The following GON4L variants were observed in gnomAD, a reference collection of about 807,000 sequenced individuals.
GON4L encodes gon-4 like.
In GON4L, 87 loss-of-function variants were observed where a neutral mutation model predicts 211.8. The ratio of observed to expected loss-of-function variants is 0.41; its 90% CI spans 0.35 to 0.49. GON4L has a LOEUF of 0.49. GON4L is among the 20% of genes least tolerant of loss of function. GON4L has a pLI of 0.15. For synonymous variants in GON4L, 875 were observed against 962.6 expected (o/e 0.91, Z 1.68); for missense variants, 2,155 against 2,659.5 (o/e 0.81, Z 4.17).
At chr1:155,843,161 A>C (rs1374956725) in intron 2 of GON4L, among the ~76,000 whole-genome samples, 1 of 152,182 alleles carries the variant, frequency 6.6e-6, no homozygotes, top group African/African-American at 2.4e-5. Context: ...ACCACCCTAA[A>C]GCCCAGTGTG....
intron 12 of GON4L, among the ~76,000 whole-genome samples, chr1:155,787,395 C>T (rs976675577): frequency 3.3e-5 from 5 of 152,126 alleles, no homozygotes; most frequent in Non-Finnish European, 5.9e-5. Flanking sequence ...GCAAACATAT[C>T]ACTGAACTAG....
At chr1:155,819,688 T>C (rs901191190) in intron 6 of GON4L, among the ~76,000 whole-genome samples, 2 of 152,236 alleles carry the variant, frequency 1.3e-5, no homozygotes, top group African/African-American at 2.4e-5. Flanking sequence ...GACTATTACC[T>C]GCCTTGTAAG....
At position 155,752,385 on chromosome 1, in the gene GON4L, C is replaced by T. The variant is rs1277145773; in HGVS notation, c.6048G>A (p.Glu2016=). 18 of 1,592,358 alleles carry T rather than the reference C, an allele frequency of 1.1e-5. No individual in the cohort carries two copies. Among genetic ancestry groups the T allele is most frequent in the Non-Finnish European group, 1.4e-5 (16 of 1,167,922 alleles). The part of the protein sequence containing the change: ...CPKASPRLQK[E]REGQKAVSES... ...CACTCACTGCCTTTTGGCCCTCCCT[C>T]TCTTTCTGAAGTCTGGGGGATGCCT... Residue 2016 remains glutamate, a synonymous_variant, in exon 30 of 32, where the codon GAG becomes GAA. Transcript: ENST00000368331.
chr1:155,773,413 A>ATAG (rs1465721441), intron 17 of GON4L: 1 of 593,284 alleles, frequency 1.7e-6, no homozygotes, highest in African/African-American at 1.9e-5. Flanking sequence ...AATGGCAATA[A>ATAG]AAGTTGACTC....
chr1:155,776,430 G>T lies in GON4L; in HGVS notation c.2143C>A (p.Leu715Ile). The T allele has an allele frequency of 6.2e-7, 1 of 1,613,294 alleles. No individual in the cohort carries two copies. The highest frequency in any genetic ancestry group is 8.5e-7 in the Non-Finnish European group (1 of 1,179,214). Residue 715 changes from leucine (L) to isoleucine (I), a missense_variant, in exon 16 of 32, where the codon CTC becomes ATC. Leu to Ile is a conservative substitution (Grantham distance 5). Coordinates refer to ENST00000368331, the MANE Select transcript of GON4L (RefSeq NM_001282860.2). Reference protein sequence around the residue: ...IHLLATCNPNLNPEATTTRIF... With the variant: ...IHLLATCNPNINPEATTTRIF... Reference sequence around the variant, plus strand: ...CTGGTGGTAGTGGCCTCCGGATTGAGGTTGGGGTTGCAGGTGGCAAGAAGG... The same window carrying T: ...CTGGTGGTAGTGGCCTCCGGATTGATGTTGGGGTTGCAGGTGGCAAGAAGG...
intron 14 of GON4L, among the ~76,000 whole-genome samples, chr1:155,778,978 G>T (rs1332879037): frequency 1.3e-5 from 2 of 151,982 alleles, no homozygotes; most frequent in Non-Finnish European, 2.9e-5. Context: ...ATGATAACCT[G>T]CTTGTTGGCC....
At chr1:155,756,098 A>T (rs1369577595) in intron 27 of GON4L, among the ~76,000 whole-genome samples, 2 of 152,152 alleles carry the variant, frequency 1.3e-5, no homozygotes, top group Non-Finnish European at 2.9e-5. Flanking sequence ...CCCTGACAAC[A>T]GCCTCTCTGC....
intron 24 of GON4L, among the ~76,000 whole-genome samples, chr1:155,759,223 A>G (rs570322895): frequency 6.6e-6 from 1 of 152,192 alleles, no homozygotes; most frequent in South Asian, 2.1e-4. Flanking sequence ...CTGGCCTCCC[A>G]AAGTGCTGGG....
intron 13 of GON4L, 187 bp downstream of exon 13, chr1:155,785,147 T>C (rs757114300): frequency 3.0e-5 from 21 of 691,848 alleles, no homozygotes; most frequent in Non-Finnish European, 5.1e-5. Context: ...AACATACATG[T>C]ATATAATCAA....
intron 12 of GON4L, among the ~76,000 whole-genome samples, chr1:155,791,731 GGTGGCGGGCA>G: frequency 1.3e-5 from 2 of 151,900 alleles, no homozygotes; most frequent in Admixed American, 6.6e-5. Context: ...AGCTGGGCGT[GGTGGCGGGCA>G]CCTGTAATCC....
intron 14 of GON4L, among the ~76,000 whole-genome samples, chr1:155,783,499 G>A (rs922593521): frequency 1.3e-5 from 2 of 152,198 alleles, no homozygotes; most frequent in African/African-American, 4.8e-5. Context: ...TCTGGATGCT[G>A]TAACACAAGT....
At chr1:155,810,382 A>C (rs1667639452) in intron 10 of GON4L, among the ~76,000 whole-genome samples, 1 of 152,104 alleles carries the variant, frequency 6.6e-6, no homozygotes, top group African/African-American at 2.4e-5. Flanking sequence ...ATTGACCTGC[A>C]AGAATGATAG....
chr1:155,788,713 A>G (rs1665202329), intron 12 of GON4L, among the ~76,000 whole-genome samples: 1 of 152,216 alleles, frequency 6.6e-6, no homozygotes. Flanking sequence ...TATTATGCTG[A>G]GTGAAAGAAG....
At chr1:155,788,885 T>C (rs1339431315) in intron 12 of GON4L, among the ~76,000 whole-genome samples, 2 of 151,952 alleles carry the variant, frequency 1.3e-5, no homozygotes, top group Non-Finnish European at 2.9e-5. Context: ...GGTCAGGAGA[T>C]CGAGATCGCC....
At chr1:155,795,889 C>T (rs1416169436) in intron 11 of GON4L, among the ~76,000 whole-genome samples, 3 of 152,110 alleles carry the variant, frequency 2.0e-5, no homozygotes, top group Non-Finnish European at 4.4e-5. Flanking sequence ...CTGAATGCCT[C>T]GGCCTCCCAA....
rs528237129 is a variant in GON4L at position 155,843,724 on chromosome 1, C to T, written c.505+9552G>A. On this transcript the variant is annotated intron_variant, in intron 2 of 31. Coordinates refer to ENST00000368331, the MANE Select transcript of GON4L (RefSeq NM_001282860.2). The stretch of plus-strand genomic sequence containing the variant: ...AGGACCAATACATGCAAGGGAGAAA[C>T]GACTGCTTAATTTGGGAAGATGGAG... 1.3e-3 allele frequency among the ~76,000 whole-genome samples: 192 copies of T among 152,184 alleles called. 1 individual carries two copies. The highest frequency in any genetic ancestry group is 4.5e-3 in the African/African-American group (185 of 41,518).
At chr1:155,823,834 A>G (rs1315167700) in intron 3 of GON4L, among the ~76,000 whole-genome samples, 1 of 151,546 alleles carries the variant, frequency 6.6e-6, no homozygotes, top group Non-Finnish European at 1.5e-5. Flanking sequence ...CGGAGGTTGC[A>G]GTGAGCCGAG....
chr1:155,824,296 T>C (rs927803497), intron 3 of GON4L, among the ~76,000 whole-genome samples: 5 of 148,552 alleles, frequency 3.4e-5, no homozygotes, highest in East Asian at 4.0e-4. Context: ...TAGCCGGCCA[T>C]GGTGGCACGT....
intron 1 of GON4L, among the ~76,000 whole-genome samples, chr1:155,854,106 GAGTA>G (rs1254580658): frequency 3.9e-5 from 6 of 152,196 alleles, no homozygotes; most frequent in African/African-American, 1.4e-4. Context: ...TACAATTAAA[GAGTA>G]AGTGATTAAT....
Sources: gnomAD v4.1 joint callset for allele counts (sites outside exome capture counted in the v4.1 genomes callset) on GRCh38, gnomAD v4.1.1 for gene constraint, MANE v1.5 for transcripts, NCBI Gene and HGNC (gene_info 2026-07-23, HGNC 2026-07-21) for gene names.